Variants in LRFN5 observed in about 807,000 individuals in gnomAD.
The protein encoded by LRFN5 is leucine rich repeat and fibronectin type III domain containing 5.
In LRFN5, 24 loss-of-function variants were observed where a neutral mutation model predicts 45.6. That is an observed-to-expected ratio of 0.53 (90% CI 0.38 to 0.74). LRFN5 has a LOEUF of 0.74. Ranked by LOEUF, LRFN5 falls within the 30% of genes least tolerant of loss-of-function variation. LRFN5 has a pLI of 0.00. For synonymous variants in LRFN5, 340 were observed against 313.8 expected (o/e 1.08, Z -0.88); for missense variants, 776 against 861.5 (o/e 0.90, Z 1.24).
At chr14:41,735,474 G>A (rs1177695164) in intron 1 of LRFN5, among the ~76,000 whole-genome samples, 1 of 151,838 alleles carries the variant, frequency 6.6e-6, no homozygotes, top group Non-Finnish European at 1.5e-5. Context: ...GTCTCCCTAT[G>A]TTGCTCAGGC....
At chr14:41,793,712 T>A (rs1160000435) in intron 2 of LRFN5, among the ~76,000 whole-genome samples, 8 of 150,500 alleles carry the variant, frequency 5.3e-5, no homozygotes, top group Non-Finnish European at 8.9e-5. Context: ...AAAAAAAAAA[T>A]AGAACTAAAT....
chr14:41,697,836 T>A (rs1882680604), intron 1 of LRFN5, among the ~76,000 whole-genome samples: 1 of 151,928 alleles, frequency 6.6e-6, no homozygotes, highest in Admixed American at 6.6e-5. Context: ...AATGTATTCA[T>A]CCAATTTTAT....
At chr14:41,739,222 C>G (rs976747264) in intron 1 of LRFN5, among the ~76,000 whole-genome samples, 3 of 151,958 alleles carry the variant, frequency 2.0e-5, no homozygotes. Context: ...CCCATCTCCA[C>G]AAAAATACAA....
At chr14:41,692,288 C>T (rs922653673) in intron 1 of LRFN5, among the ~76,000 whole-genome samples, 5 of 151,842 alleles carry the variant, frequency 3.3e-5, no homozygotes, top group African/African-American at 1.2e-4. Context: ...GGAATAAATG[C>T]TGTCTTTTTT....
At chr14:41,712,417 GAAAAA>G (rs1883323462) in intron 1 of LRFN5, among the ~76,000 whole-genome samples, 1 of 151,956 alleles carries the variant, frequency 6.6e-6, no homozygotes, top group Non-Finnish European at 1.5e-5. Context: ...CTATGACAAA[GAAAAA>G]ATAAAAGGTA....
intron 1 of LRFN5, among the ~76,000 whole-genome samples, chr14:41,696,451 A>G (rs190967705): frequency 6.7e-6 from 1 of 149,276 alleles, no homozygotes; most frequent in East Asian, 2.0e-4. Flanking sequence ...GTATATTCGT[A>G]TAGAGCCAAA....
intron 2 of LRFN5, among the ~76,000 whole-genome samples, chr14:41,865,090 G>C (rs1471500880): frequency 1.3e-5 from 2 of 152,088 alleles, no homozygotes; most frequent in Non-Finnish European, 2.9e-5. Context: ...TATAATTCAT[G>C]TGCCATTCAA....
At chr14:41,781,550 AAAAGAAAGAGAAAG>A (rs1594702858) in intron 2 of LRFN5, among the ~76,000 whole-genome samples, 1 of 133,944 alleles carries the variant, frequency 7.5e-6, no homozygotes, top group East Asian at 2.2e-4. Flanking sequence ...AAGGAAGGAG[AAAAGAAAGAGAAAG>A]AAAGAAAGAA....
At position 41,898,784 on chromosome 14, in the gene LRFN5, T is replaced by TA. The variant is rs1405201393; in HGVS notation, c.2099-133_2099-132insA. Reference sequence around the variant, plus strand: ...ATTAACCCATGAACTGGTAAGTTTTTTAAAAAAAATCTTTAGATAAATCTT... The same window carrying TA: ...ATTAACCCATGAACTGGTAAGTTTTTATAAAAAAAATCTTTAGATAAATCTT... On this transcript the variant is annotated intron_variant, in intron 4 of 5. Coordinates refer to ENST00000298119, the MANE Select transcript of LRFN5 (RefSeq NM_152447.5). The TA allele has an allele frequency of 4.4e-5, 37 of 836,618 alleles. No homozygotes were observed. The African/African-American group carries it at 5.4e-4, about 12-fold the overall frequency. 51.8% of individuals were successfully genotyped at this position (836,618 alleles called of 1,614,324 possible).
chr14:41,650,236 T>TACACACACACACACAC (rs1555351105), intron 1 of LRFN5, among the ~76,000 whole-genome samples: 79 of 128,208 alleles, frequency 6.2e-4, no homozygotes, highest in African/African-American at 2.2e-3. Context: ...TCTACAAAAA[T>TACACACACACACACAC]ACACACACAC....
intron 2 of LRFN5, among the ~76,000 whole-genome samples, chr14:41,806,257 C>T (rs1237474270): frequency 6.6e-6 from 1 of 152,102 alleles, no homozygotes; most frequent in African/African-American, 2.4e-5. Context: ...CTAGATCATT[C>T]TAGGCAACTT....
At chr14:41,682,729 A>G (rs1028471936) in intron 1 of LRFN5, among the ~76,000 whole-genome samples, 1 of 152,210 alleles carries the variant, frequency 6.6e-6, no homozygotes, top group Admixed American at 6.5e-5. Flanking sequence ...CATACAGTCT[A>G]CCAAGGTTCT....
chr14:41,898,116 G>A (rs1208857153), intron 4 of LRFN5, among the ~76,000 whole-genome samples: 1 of 151,870 alleles, frequency 6.6e-6, no homozygotes, highest in Non-Finnish European at 1.5e-5. Flanking sequence ...TATTTGTGCT[G>A]AAAGTTTTGT....
chr14:41,746,995 A>G (rs554895199), intron 1 of LRFN5, among the ~76,000 whole-genome samples: 1 of 152,128 alleles, frequency 6.6e-6, no homozygotes. Flanking sequence ...AATAAACGTA[A>G]CAAAGGAGGC....
intron 2 of LRFN5, among the ~76,000 whole-genome samples, chr14:41,827,366 G>A (rs1888333294): frequency 1.3e-5 from 2 of 151,946 alleles, no homozygotes; most frequent in African/African-American, 2.4e-5. Context: ...TAAATTATAG[G>A]CAATGCTGGA....
intron 2 of LRFN5, among the ~76,000 whole-genome samples, chr14:41,844,230 GA>G (rs1028645432): frequency 4.6e-5 from 7 of 152,110 alleles, no homozygotes; most frequent in Non-Finnish European, 1.0e-4. Flanking sequence ...GAGGTCAGGA[GA>G]TCGAGACCAT....
intron 2 of LRFN5, among the ~76,000 whole-genome samples, chr14:41,843,632 A>G (rs897429437): frequency 3.3e-5 from 5 of 152,104 alleles, no homozygotes; most frequent in East Asian, 1.9e-4. Flanking sequence ...TTTTTACCAT[A>G]GGGATATACT....
chr14:41,663,486 C>T (rs895847837), intron 1 of LRFN5, among the ~76,000 whole-genome samples: 2 of 152,030 alleles, frequency 1.3e-5, no homozygotes, highest in African/African-American at 2.4e-5. Flanking sequence ...TCTATATTTA[C>T]TATGAACCCT....
chr14:41,832,328 C>T (rs1394071874), intron 2 of LRFN5, among the ~76,000 whole-genome samples: 1 of 152,100 alleles, frequency 6.6e-6, no homozygotes, highest in East Asian at 1.9e-4. Context: ...GTAAGAGGTT[C>T]CCAAGAGTTC....
Sources: allele counts gnomAD v4.1 joint callset (sites outside exome capture counted in the v4.1 genomes callset), GRCh38; gene constraint gnomAD v4.1.1; transcripts MANE v1.5; gene names NCBI Gene and HGNC (gene_info 2026-07-23, HGNC 2026-07-21).